Variants in ZSCAN26 observed in about 807,000 individuals in gnomAD.
ZSCAN26 encodes the protein zinc finger and SCAN domain containing 26, also known as zinc finger and SCAN domain-containing protein 26.
ZSCAN26 carries 26 observed loss-of-function variants against 23.0 expected under a neutral mutation model. That is an observed-to-expected ratio of 1.13 (90% CI 0.83 to 1.57). The LOEUF is 1.57. Ranked by LOEUF, ZSCAN26 falls within the 40% of genes most tolerant of loss-of-function variation. ZSCAN26 has a pLI of 0.00. For missense variants in ZSCAN26, 528 were observed against 568.5 expected (o/e 0.93, Z 0.72); for synonymous variants, 180 against 202.5 (o/e 0.89, Z 0.94).
At chr6:28,273,276 C>T (rs1450002328) in intron 3 of ZSCAN26, among the ~76,000 whole-genome samples, 1 of 152,118 alleles carries the variant, frequency 6.6e-6, no homozygotes, top group East Asian at 1.9e-4. Flanking sequence ...GGCATGGTGG[C>T]TCATGCCTGT....
At chr6:28,272,578 T>C in intron 2 of ZSCAN26, 92 bp from the exon 3 acceptor site, 4 of 1,153,832 alleles carry the variant, frequency 3.5e-6, no homozygotes, top group Non-Finnish European at 4.9e-6. Flanking sequence ...TTCTCTTTCT[T>C]CTCTTTTTTA....
At chr6:28,270,481 G>A (rs1213881696) in intron 1 of ZSCAN26, among the ~76,000 whole-genome samples, 2 of 152,210 alleles carry the variant, frequency 1.3e-5, no homozygotes, top group African/African-American at 4.8e-5. Context: ...CCAAAGGATG[G>A]TAGGGAATTG....
Position 28,276,638 on chromosome 6 carries a change from G to A in ZSCAN26, c.982G>A (p.Glu328Lys), listed in dbSNP as rs1256873588. 1 of 1,611,290 alleles carries A rather than the reference G, an allele frequency of 6.2e-7. No individual in the cohort carries two copies. The highest frequency in any genetic ancestry group is 2.2e-5 in the East Asian group (1 of 44,868). The change falls in exon 4 of 4, where the codon GAA becomes AAA. Residue 328 changes from glutamate to lysine, a missense_variant. By Grantham distance (56) the Glu-to-Lys change is moderately conservative. Coordinates refer to ENST00000421553, the MANE Select transcript of ZSCAN26 (RefSeq NM_001023560.4). Reference protein sequence around the residue: ...KVFSQNAGLLEHLRIHTGEKP... With the variant: ...KVFSQNAGLLKHLRIHTGEKP... ...CTTTAGCCAGAATGCAGGCCTTTTG[G>A]AACATCTCAGAATTCATACTGGAGA...
In ZSCAN26 at chr6:28,276,666, A is replaced by T. The variant is rs1761953034; in HGVS notation, c.1010A>T (p.Lys337Ile). Reference sequence around the variant, plus strand: ...CATCTCAGAATTCATACTGGAGAGAAACCTTATCTATGTATCCATTGTGGA... The same window carrying T: ...CATCTCAGAATTCATACTGGAGAGATACCTTATCTATGTATCCATTGTGGA... ...LEHLRIHTGEKPYLCIHCGKN... is the reference protein window; with the variant it reads ...LEHLRIHTGEIPYLCIHCGKN... Residue 337 changes from lysine (K) to isoleucine (I), a missense_variant, in exon 4 of 4, where the codon AAA (lysine) becomes ATA (isoleucine). Coordinates refer to ENST00000421553, the MANE Select transcript of ZSCAN26 (RefSeq NM_001023560.4). 6.2e-7 allele frequency: 1 copy of T among 1,611,600 alleles called. No individual in the cohort carries two copies. The highest frequency in any genetic ancestry group is 8.5e-7 in the Non-Finnish European group (1 of 1,178,730).
intron 3 of ZSCAN26, among the ~76,000 whole-genome samples, chr6:28,273,300 T>TG (rs1761789004): frequency 6.6e-6 from 1 of 152,126 alleles, no homozygotes; most frequent in Non-Finnish European, 1.5e-5. Flanking sequence ...CCCAACACTT[T>TG]GGGGGGCCAA....
rs766126680 is a variant in ZSCAN26, at chr6:28,276,380, A to T, written c.724A>T (p.Ile242Phe). ...ATGCTCAGAACGTGAGCAGAGATTC[A>T]TCCAGCACTTGGACCTGATTGAACA... Reference protein sequence around the residue: ...YKCSEREQRFIQHLDLIEHAS... With the variant: ...YKCSEREQRFFQHLDLIEHAS... Residue 242 changes from isoleucine to phenylalanine, a missense_variant, in exon 4 of 4, where the codon ATC becomes TTC. Coordinates refer to ENST00000421553, the MANE Select transcript of ZSCAN26 (RefSeq NM_001023560.4). 5 of 1,614,036 alleles carry T rather than the reference A, an allele frequency of 3.1e-6. No homozygotes were observed. Among genetic ancestry groups the T allele is most frequent in the Non-Finnish European group, 4.2e-6 (5 of 1,179,882 alleles).
At chr6:28,272,633 T>A in intron 2 of ZSCAN26, 37 bp from the exon 3 acceptor site, 1 of 1,508,282 alleles carries the variant, frequency 6.6e-7, no homozygotes, top group Non-Finnish European at 9.0e-7. Flanking sequence ...AACCCACATA[T>A]ATCTAATTAT....
intron 2 of ZSCAN26, 79 bp downstream of exon 2, chr6:28,272,418 C>T (rs1761735901): frequency 1.3e-5 from 18 of 1,408,000 alleles, no homozygotes; most frequent in African/African-American, 1.4e-5. Flanking sequence ...GGCTCATCAG[C>T]GGAAGGAGAA....
chr6:28,277,101 G>T lies in ZSCAN26; in HGVS notation c.*5G>T. 6.2e-7 allele frequency: 1 copy of T among 1,609,582 alleles called. No homozygotes were observed. The highest frequency in any genetic ancestry group is 8.5e-7 in the Non-Finnish European group (1 of 1,178,380). On this transcript the variant is annotated 3_prime_UTR_variant, in exon 4 of 4. Transcript: ENST00000421553. ...CACAAAGACAAACTGGCTTGATGAG[G>T]TGTTCTCTCCTTGTAGAACATCAGA... is the stretch of plus-strand genomic sequence containing the variant.
In ZSCAN26 at chr6:28,272,663, T is replaced by C. The variant is rs1458770883; in HGVS notation, c.421-7T>C. 1 of 1,585,964 alleles carries C rather than the reference T, an allele frequency of 6.3e-7. No homozygotes were observed. The highest frequency in any genetic ancestry group is 1.8e-5 in the Admixed American group (1 of 55,082). ...AATTATGCCTCCATATACCTAATTG[T>C]CCCTAGGACCCAGACCAGCCAAAGA... On this transcript the variant is annotated splice_region_variant and splice_polypyrimidine_tract_variant and intron_variant, in intron 2 of 3. Transcript: ENST00000421553.
chr6:28,269,238 G>A (rs1263280170), intron 1 of ZSCAN26, among the ~76,000 whole-genome samples: 1 of 151,794 alleles, frequency 6.6e-6, no homozygotes, highest in African/African-American at 2.4e-5. Context: ...GATATATACT[G>A]ATATGGGTAT....
chr6:28,272,859 G>A (rs1761761198), intron 3 of ZSCAN26, 72 bp downstream of exon 3: 2 of 1,288,116 alleles, frequency 1.6e-6, no homozygotes, highest in South Asian at 2.6e-5. Context: ...GTTGTGCTTA[G>A]CACCCTTGTA....
At position 28,276,195 on chromosome 6, in the gene ZSCAN26, G is replaced by A. The variant is rs569301192; in HGVS notation, c.539G>A (p.Gly180Asp). Residue 180 changes from glycine to aspartate, a missense_variant and splice_region_variant, in exon 4 of 4, where the codon GGT becomes GAT. Physicochemically the swap from Gly to Asp is moderately conservative, Grantham distance 94. Coordinates refer to ENST00000421553, the MANE Select transcript of ZSCAN26 (RefSeq NM_001023560.4). ...CEVTKPEKEK[G>D]EETRIENGKL... The stretch of plus-strand genomic sequence containing the variant: ...TGGTGGTATATATTTAATATTGCAG[G>A]TGAGGAGACAAGGATTGAGAATGGG... 5.5e-5 allele frequency: 88 copies of A among 1,603,176 alleles called. No homozygotes were observed. The South Asian group carries it at 8.9e-4, about 16-fold the overall frequency.
rs761691188 is a variant in ZSCAN26, at chr6:28,276,351, A to G, written c.695A>G (p.Tyr232Cys). 1 of 1,614,056 alleles carries G rather than the reference A, an allele frequency of 6.2e-7. No individual in the cohort carries two copies. The highest frequency in any genetic ancestry group is 1.1e-5 in the South Asian group (1 of 91,086). The change falls in exon 4 of 4, where the codon TAT (tyrosine) becomes TGT (cysteine). Residue 232 changes from tyrosine (Y) to cysteine (C), a missense_variant. Transcript: ENST00000421553. The part of the protein sequence containing the change: ...HQAKPKEKIE[Y>C]KCSEREQRFI... ...GCCAAGCCCAAAGAGAAGATTGAGTATAAATGCTCAGAACGTGAGCAGAGA... is the reference window on the plus strand; with the variant it reads ...GCCAAGCCCAAAGAGAAGATTGAGTGTAAATGCTCAGAACGTGAGCAGAGA...
intron 3 of ZSCAN26, 59 bp downstream of exon 3, chr6:28,272,846 G>A: frequency 6.9e-7 from 1 of 1,442,772 alleles, no homozygotes; most frequent in East Asian, 2.3e-5. Flanking sequence ...CTTTCCCTCT[G>A]AGGTTGTGCT....
intron 1 of ZSCAN26, among the ~76,000 whole-genome samples, chr6:28,268,278 CA>C (rs1178052406): frequency 2.6e-5 from 4 of 151,826 alleles, no homozygotes; most frequent in African/African-American, 9.7e-5. Flanking sequence ...TGGGCATTAA[CA>C]AGAAGAAAAT....
rs1762026332 is a variant in ZSCAN26, at chr6:28,278,161, A to G, written c.*1065A>G. The stretch of plus-strand genomic sequence containing the variant: ...AATCCATATATATCCTGGTCTTGGG[A>G]GTCCATAGAATACTGTTTCCTTCTA... On this transcript the variant is annotated 3_prime_UTR_variant, in exon 4 of 4. Coordinates refer to ENST00000421553, the MANE Select transcript of ZSCAN26 (RefSeq NM_001023560.4). 6.6e-6 allele frequency: 1 copy of G among 152,214 alleles called. No homozygotes were observed. Among genetic ancestry groups the G allele is most frequent in the Admixed American group, 6.5e-5 (1 of 15,280 alleles). 9.4% of individuals were successfully genotyped at this position (152,214 alleles called of 1,614,324 possible).
Position 28,272,353 on chromosome 6 carries a change from G to A in ZSCAN26, c.420+14G>A. The A allele has an allele frequency of 6.7e-7, 1 of 1,486,668 alleles. No individual in the cohort carries two copies. Among genetic ancestry groups the A allele is most frequent in the South Asian group, 1.4e-5 (1 of 72,442 alleles). The allele number at this position is 1,486,668 out of a possible 1,614,324, so 92.1% of individuals were successfully genotyped here. ...GGACAACAGGTGGTAAGGGTCAGAT[G>A]TGCTCTTTTTCAGGAATGCAGGAAT... is the stretch of plus-strand genomic sequence containing the variant. On this transcript the variant is annotated intron_variant, in intron 2 of 3. Coordinates refer to ENST00000421553, the MANE Select transcript of ZSCAN26 (RefSeq NM_001023560.4).
At chr6:28,271,063 C>A (rs139727525) in intron 1 of ZSCAN26, among the ~76,000 whole-genome samples, 6 of 152,348 alleles carry the variant, frequency 3.9e-5, no homozygotes, top group Non-Finnish European at 7.3e-5. Flanking sequence ...ATGTAAGTGA[C>A]AGGGCTGGAT....
Sources: allele counts gnomAD v4.1 joint callset (sites outside exome capture counted in the v4.1 genomes callset), GRCh38; gene constraint gnomAD v4.1.1; transcripts MANE v1.5; gene names NCBI Gene and HGNC (gene_info 2026-07-23, HGNC 2026-07-21).